GAB2: variants seen among roughly 807,000 people sequenced by gnomAD.
The protein encoded by GAB2 is GRB2 associated binding protein 2.
A neutral mutation model predicts 65.5 loss-of-function variants in GAB2; 26 were observed. The observed-to-expected ratio is 0.40, with a 90% CI of 0.29 to 0.55. The LOEUF is 0.55. Ranked by LOEUF, GAB2 falls within the 20% of genes least tolerant of loss-of-function variation. The pLI is 0.53. For missense variants in GAB2, 884 were observed against 875.8 expected, an observed-to-expected ratio of 1.01 and a Z score of -0.12; for synonymous variants, 321 against 329.6, an observed-to-expected ratio of 0.97 and a Z score of 0.28.
intron 1 of GAB2, among the ~76,000 whole-genome samples, chr11:78,407,917 A>ATAATTATTTATT (rs1198919812): frequency 4.6e-5 from 7 of 152,194 alleles, no homozygotes; most frequent in African/African-American, 1.7e-4. Flanking sequence ...CTCAAAGAAA[A>ATAATTATTTATT]GAAGTGTCAA....
intron 1 of GAB2, among the ~76,000 whole-genome samples, chr11:78,354,445 A>G (rs1195701955): frequency 1.3e-5 from 2 of 152,066 alleles, no homozygotes. Flanking sequence ...TATATTATAT[A>G]TATATACATA....
chr11:78,222,160 CGGT>C lies in GAB2; in HGVS notation c.1600_1602del (p.Thr534del). 1.2e-6 allele frequency: 2 copies of C among 1,613,952 alleles called. No homozygotes were observed. Among genetic ancestry groups the C allele is most frequent in the Non-Finnish European group, 1.7e-6 (2 of 1,179,842 alleles). On this transcript the variant is annotated inframe_deletion, in exon 7 of 10. Transcript: ENST00000361507. The stretch of plus-strand genomic sequence containing the variant: ...GACTTGAAGGGGAGTTCATCGATGA[CGGT>C]GTTGTTCCTCAGGTCAAGTGGTGTT...
In GAB2 at chr11:78,365,086, C is replaced by T. The variant is rs183107959; in HGVS notation, c.75+52560G>A. 1.2e-4 allele frequency among the ~76,000 whole-genome samples: 19 copies of T among 152,106 alleles called. No individual in the cohort carries two copies. The East Asian group carries it at 3.7e-3, about 29-fold the overall frequency. On this transcript the variant is annotated intron_variant, in intron 1 of 9. Transcript: ENST00000361507. The stretch of plus-strand genomic sequence containing the variant: ...TGAGATTTTAGTGTACCTGTCACCC[C>T]AAGGTGATAGCAACTTAATGATCTG...
intron 2 of GAB2, among the ~76,000 whole-genome samples, chr11:78,272,468 A>AT: frequency 6.6e-6 from 1 of 152,266 alleles, no homozygotes; most frequent in Middle Eastern, 3.4e-3. Context: ...GAAGCATTTT[A>AT]CCCCTGCCCT....
At chr11:78,234,617 G>A (rs1864937017) in intron 3 of GAB2, among the ~76,000 whole-genome samples, 1 of 147,682 alleles carries the variant, frequency 6.8e-6, no homozygotes, top group African/African-American at 2.5e-5. Context: ...ATTTATATAT[G>A]CATTTAAAAT....
intron 1 of GAB2, among the ~76,000 whole-genome samples, chr11:78,408,056 A>T (rs772208244): frequency 1.2e-4 from 18 of 152,038 alleles, no homozygotes; most frequent in Non-Finnish European, 2.5e-4. Flanking sequence ...GAAGTTCTCT[A>T]AACAGAAAGG....
chr11:78,291,995 T>A (rs1015506502), intron 1 of GAB2, among the ~76,000 whole-genome samples: 22 of 112,726 alleles, frequency 2.0e-4, no homozygotes, highest in Non-Finnish European at 3.7e-4. Flanking sequence ...CACTAAGAGG[T>A]GTGTAGGGGT....
chr11:78,328,209 T>G (rs1171671373), intron 1 of GAB2, among the ~76,000 whole-genome samples: 1 of 152,188 alleles, frequency 6.6e-6, no homozygotes, highest in Admixed American at 6.5e-5. Context: ...AAATAAATCC[T>G]GGGTCAATAA....
At chr11:78,379,353 G>A (rs2134736762) in intron 1 of GAB2, among the ~76,000 whole-genome samples, 1 of 152,318 alleles carries the variant, frequency 6.6e-6, no homozygotes, top group Admixed American at 6.5e-5. Flanking sequence ...AAAAGACTTG[G>A]TTAAAAGTAA....
chr11:78,352,713 T>C (rs1468385026), intron 1 of GAB2, among the ~76,000 whole-genome samples: 3 of 152,120 alleles, frequency 2.0e-5, no homozygotes, highest in South Asian at 2.1e-4. Flanking sequence ...ATGTGACCTA[T>C]TGCTAGCCAA....
chr11:78,274,483 G>A (rs1281836026), intron 2 of GAB2, among the ~76,000 whole-genome samples: 1 of 152,206 alleles, frequency 6.6e-6, no homozygotes, highest in Non-Finnish European at 1.5e-5. Flanking sequence ...TGCTGCCAGT[G>A]GGTTCTATGT....
At chr11:78,310,207 C>CA (rs1465281851) in intron 1 of GAB2, among the ~76,000 whole-genome samples, 1 of 151,784 alleles carries the variant, frequency 6.6e-6, no homozygotes, top group Non-Finnish European at 1.5e-5. Context: ...TCTGCAAGTA[C>CA]AAAAACCAAA....
intron 1 of GAB2, among the ~76,000 whole-genome samples, chr11:78,360,395 T>TA (rs60132161): frequency 0.72 from 101,334 of 139,842 alleles, 37,222 homozygotes; most frequent in Non-Finnish European, 0.82. Flanking sequence ...TTTCTGTATT[T>TA]AAAAAAAAAA....
At chr11:78,286,044 C>T (rs1008531610) in intron 1 of GAB2, among the ~76,000 whole-genome samples, 1 of 152,194 alleles carries the variant, frequency 6.6e-6, no homozygotes, top group Admixed American at 6.5e-5. Context: ...CTTCCTCCAT[C>T]GCTCTTTCCC....
intron 1 of GAB2, among the ~76,000 whole-genome samples, chr11:78,326,361 A>G (rs997399787): frequency 2.0e-5 from 3 of 152,198 alleles, no homozygotes; most frequent in African/African-American, 7.2e-5. Context: ...TCACACTGAG[A>G]AACTTTTAAG....
chr11:78,375,037 CGTTT>C (rs1329165611), intron 1 of GAB2, among the ~76,000 whole-genome samples: 2 of 152,120 alleles, frequency 1.3e-5, no homozygotes, highest in Non-Finnish European at 1.5e-5. Context: ...TTGTATATTT[CGTTT>C]ATTTATTTTG....
chr11:78,274,787 C>T (rs1048584124), intron 2 of GAB2, among the ~76,000 whole-genome samples: 1 of 152,168 alleles, frequency 6.6e-6, no homozygotes, highest in Non-Finnish European at 1.5e-5. Context: ...CCTGGGGGTG[C>T]TTCCAGTACA....
intron 1 of GAB2, among the ~76,000 whole-genome samples, chr11:78,353,884 TAAAG>T (rs1856317899): frequency 6.6e-6 from 1 of 152,164 alleles, no homozygotes. Context: ...AACTACAAAA[TAAAG>T]AAGTGGTTCT....
At chr11:78,259,775 C>T (rs1391332264) in intron 2 of GAB2, among the ~76,000 whole-genome samples, 4 of 152,100 alleles carry the variant, frequency 2.6e-5, no homozygotes, top group African/African-American at 9.7e-5. Context: ...GAAACTGTGG[C>T]CCAGAGAAAT....
Sources: allele counts gnomAD v4.1 joint callset (sites outside exome capture counted in the v4.1 genomes callset), GRCh38; gene constraint gnomAD v4.1.1; transcripts MANE v1.5; gene names NCBI Gene and HGNC (gene_info 2026-07-23, HGNC 2026-07-21).